Variants in SCP2 observed in about 807,000 individuals in gnomAD.
The protein encoded by SCP2 is SCP-2/3-oxoacyl-CoA thiolase.
SCP2 carries 48 observed loss-of-function variants against 71.4 expected under a neutral mutation model. The ratio of observed to expected loss-of-function variants is 0.67; its 90% CI spans 0.53 to 0.86. SCP2 has a LOEUF of 0.86. Ranked by LOEUF, SCP2 falls within the 40% of genes least tolerant of loss-of-function variation. SCP2 has a pLI of 0.00. For missense variants in SCP2, 560 were observed against 655.6 expected, an observed-to-expected ratio of 0.85 and a Z score of 1.59; for synonymous variants, 220 against 218.1, an observed-to-expected ratio of 1.01 and a Z score of -0.08.
rs150292321 is a variant in SCP2 at position 53,043,183 on chromosome 1, T to C, written c.1468+4137T>C. Among the ~76,000 whole-genome samples, 363 of 152,324 alleles carry C rather than the reference T, an allele frequency of 2.4e-3. 2 individuals are homozygous for C. Among genetic ancestry groups the C allele is most frequent in the African/African-American group, 8.3e-3 (345 of 41,572 alleles). On this transcript the variant is annotated intron_variant, in intron 14 of 15. Transcript: ENST00000371514. The stretch of plus-strand genomic sequence containing the variant: ...TCTAGGCTCTGTCACTCAGAGGGTA[T>C]ATACCTTCCCTGAGAGTCCAATGGT...
At chr1:52,942,005 GAA>G in intron 2 of SCP2, 152 bp downstream of exon 2, 1 of 654,658 alleles carries the variant, frequency 1.5e-6, no homozygotes, top group Non-Finnish European at 2.8e-6. Flanking sequence ...CACTACAAAG[GAA>G]AAGAGCTTGG....
At chr1:53,022,632 C>T (rs796237966) in intron 12 of SCP2, among the ~76,000 whole-genome samples, 10 of 152,258 alleles carry the variant, frequency 6.6e-5, no homozygotes, top group African/African-American at 2.4e-4. Flanking sequence ...TTCACATGTA[C>T]TTCTTTGTTT....
intron 12 of SCP2, among the ~76,000 whole-genome samples, chr1:53,018,754 GA>G (rs1661517180): frequency 6.8e-6 from 1 of 147,706 alleles, no homozygotes; most frequent in African/African-American, 2.5e-5. Context: ...AAAAAAAAAA[GA>G]AAAAAGAAAG....
intron 14 of SCP2, among the ~76,000 whole-genome samples, chr1:53,039,988 T>A (rs1008109739): frequency 6.6e-6 from 1 of 152,244 alleles, no homozygotes; most frequent in Non-Finnish European, 1.5e-5. Flanking sequence ...ATTGCTCCTG[T>A]GTCCTACTGG....
Position 52,974,761 on chromosome 1 carries a change from C to A in SCP2, c.524-8C>A, listed in dbSNP as rs760207993. Reference sequence around the variant, plus strand: ...TCACCCACTGGTAGATGTTTGCTTTCTTTACAGGAACAAAAATTGAACACT... The same window carrying A: ...TCACCCACTGGTAGATGTTTGCTTTATTTACAGGAACAAAAATTGAACACT... On this transcript the variant is annotated splice_polypyrimidine_tract_variant and splice_region_variant and intron_variant, in intron 6 of 15. Coordinates refer to ENST00000371514, the MANE Select transcript of SCP2 (RefSeq NM_002979.5). 2 of 1,484,904 alleles carry A rather than the reference C, an allele frequency of 1.3e-6. No homozygotes were observed. Among genetic ancestry groups the A allele is most frequent in the African/African-American group, 1.4e-5 (1 of 72,414 alleles). The allele number at this position is 1,484,904 out of a possible 1,614,324, so 92.0% of individuals were successfully genotyped here.
At chr1:53,032,399 A>C (rs1463535683) in intron 13 of SCP2, among the ~76,000 whole-genome samples, 1 of 152,228 alleles carries the variant, frequency 6.6e-6, no homozygotes, top group Non-Finnish European at 1.5e-5. Flanking sequence ...GGGCCATCAA[A>C]ATATCTGGTG....
At chr1:52,939,405 G>A (rs1243611872) in intron 1 of SCP2, among the ~76,000 whole-genome samples, 6 of 151,844 alleles carry the variant, frequency 4.0e-5, no homozygotes, top group Non-Finnish European at 8.8e-5. Context: ...AATTAGCCAG[G>A]CATGATTATG....
chr1:53,013,549 C>T (rs1179383744), intron 11 of SCP2, among the ~76,000 whole-genome samples: 3 of 151,710 alleles, frequency 2.0e-5, no homozygotes, highest in Non-Finnish European at 2.9e-5. Flanking sequence ...GAGCCAAGAT[C>T]GTGCCACTGC....
At chr1:52,990,484 A>C (rs1659375997) in intron 11 of SCP2, among the ~76,000 whole-genome samples, 1 of 152,070 alleles carries the variant, frequency 6.6e-6, no homozygotes, top group South Asian at 2.1e-4. Flanking sequence ...AATATTAATA[A>C]ATAGAAATTA....
chr1:53,014,864 T>C (rs2150227885), intron 11 of SCP2, 26 bp from the exon 12 acceptor site: 1 of 1,611,668 alleles, frequency 6.2e-7, no homozygotes, highest in Non-Finnish European at 8.5e-7. Flanking sequence ...TGGAAGCAGC[T>C]CAGTGCTCTG....
At chr1:52,980,583 C>T (rs1658399215) in intron 10 of SCP2, 40 bp downstream of exon 10, 2 of 1,577,780 alleles carry the variant, frequency 1.3e-6, no homozygotes, top group South Asian at 1.1e-5. Flanking sequence ...CAGTAAATTT[C>T]ACTGAGAAAA....
In SCP2 at chr1:52,981,843, A is replaced by T. The variant is rs538633041; in HGVS notation, c.973+1300A>T. On this transcript the variant is annotated intron_variant, in intron 10 of 15. Transcript: ENST00000371514. The stretch of plus-strand genomic sequence containing the variant: ...AATTTAAAAGTATTGTGTGGGCATT[A>T]TATTTCTGTTAGACAATATTTATTT... Among the ~76,000 whole-genome samples, 26 of 151,658 alleles carry T rather than the reference A, an allele frequency of 1.7e-4. No individual in the cohort carries two copies. The South Asian group carries it at 3.9e-3, about 23-fold the overall frequency.
intron 4 of SCP2, among the ~76,000 whole-genome samples, chr1:52,953,060 C>CTT (rs570429324): frequency 1.7e-4 from 18 of 103,652 alleles, no homozygotes; most frequent in Admixed American, 7.7e-4. Context: ...GCAATTCTGT[C>CTT]TTTTTTTTTT....
intron 11 of SCP2, among the ~76,000 whole-genome samples, chr1:53,007,637 G>A (rs1314694325): frequency 6.6e-6 from 1 of 152,092 alleles, no homozygotes. Context: ...AGTGTGTAGA[G>A]GGAAATTTAT....
chr1:52,952,535 G>T (rs929431323), intron 4 of SCP2, among the ~76,000 whole-genome samples: 4 of 152,132 alleles, frequency 2.6e-5, no homozygotes, highest in Non-Finnish European at 5.9e-5. Flanking sequence ...TTTATCAGTT[G>T]ATGGACATTG....
intron 11 of SCP2, chr1:52,994,345 T>C: frequency 1.1e-6 from 1 of 916,678 alleles, no homozygotes; most frequent in Non-Finnish European, 1.3e-6. Flanking sequence ...ATGAATATGA[T>C]ATTTCATTTT....
chr1:52,977,699 G>A (rs967233899), intron 8 of SCP2, among the ~76,000 whole-genome samples: 8 of 152,170 alleles, frequency 5.3e-5, no homozygotes, highest in South Asian at 2.1e-4. Flanking sequence ...GGTAGCTCAC[G>A]CCTGTAATCC....
chr1:52,952,114 A>G (rs901686924), intron 4 of SCP2, among the ~76,000 whole-genome samples: 1 of 152,108 alleles, frequency 6.6e-6, no homozygotes, highest in Admixed American at 6.6e-5. Context: ...CCCTGTACCC[A>G]TTAGCATTCA....
chr1:53,011,917 C>T (rs978566217), intron 11 of SCP2, among the ~76,000 whole-genome samples: 1 of 152,102 alleles, frequency 6.6e-6, no homozygotes. Flanking sequence ...GAAAACAATA[C>T]ACCAAAATAA....
Sources: allele counts gnomAD v4.1 joint callset (sites outside exome capture counted in the v4.1 genomes callset), GRCh38; gene constraint gnomAD v4.1.1; transcripts MANE v1.5; gene names NCBI Gene and HGNC (gene_info 2026-07-23, HGNC 2026-07-21).